Variants in ATXN1 observed in about 807,000 individuals in gnomAD.
ATXN1 encodes the protein ataxin 1.
A neutral mutation model predicts 56.4 loss-of-function variants in ATXN1; 8 were observed. That is an observed-to-expected ratio of 0.14 (90% CI 0.08 to 0.26). ATXN1 has a LOEUF of 0.26. Ranked by LOEUF, ATXN1 falls within the 10% of genes least tolerant of loss-of-function variation. ATXN1 has a pLI of 1.00. For missense variants in ATXN1, 987 were observed against 1,106.5 expected, an observed-to-expected ratio of 0.89 and a Z score of 1.53; for synonymous variants, 514 against 494.6, an observed-to-expected ratio of 1.04 and a Z score of -0.52.
At chr6:16,549,517 C>T (rs1032819071) in intron 4 of ATXN1, among the ~76,000 whole-genome samples, 1 of 152,164 alleles carries the variant, frequency 6.6e-6, no homozygotes, top group Non-Finnish European at 1.5e-5. Flanking sequence ...GGAAGCGGAA[C>T]CAGCTCCCAT....
chr6:16,340,530 C>A (rs955478202), intron 6 of ATXN1, among the ~76,000 whole-genome samples: 2 of 152,170 alleles, frequency 1.3e-5, no homozygotes, highest in Admixed American at 1.3e-4. Context: ...AACTTGTATC[C>A]TTTCCCTGTA....
chr6:16,492,406 C>G (rs1581798509), intron 5 of ATXN1, among the ~76,000 whole-genome samples: 1 of 150,858 alleles, frequency 6.6e-6, no homozygotes, highest in Admixed American at 6.6e-5. Context: ...CACATGTACC[C>G]TAAAACCTAA....
rs573717835 is a variant in ATXN1 at position 16,301,546 on chromosome 6, A to T, written c.*4783T>A. 6.6e-6 allele frequency: 1 copy of T among 152,550 alleles called. No homozygotes were observed. The highest frequency in any genetic ancestry group is 2.1e-4 in the South Asian group (1 of 4,804). 9.4% of individuals were successfully genotyped at this position (152,550 alleles called of 1,614,324 possible). On this transcript the variant is annotated 3_prime_UTR_variant, in exon 8 of 8. Transcript: ENST00000436367. ...GTGTTCTTAAATTCTCTATTTCAGA[A>T]ATTCTGGGTTAAAAACAAATGTGGA...
intron 4 of ATXN1, among the ~76,000 whole-genome samples, chr6:16,552,156 G>T (rs550688689): frequency 6.6e-6 from 1 of 152,184 alleles, no homozygotes; most frequent in Non-Finnish European, 1.5e-5. Context: ...CTACTCACAC[G>T]TGGAGAGGCT....
At chr6:16,597,242 C>T (rs183474830) in intron 3 of ATXN1, among the ~76,000 whole-genome samples, 208 of 152,316 alleles carry the variant, frequency 1.4e-3, no homozygotes, top group Non-Finnish European at 2.0e-3. Flanking sequence ...CCTCGTCAGC[C>T]GCAAGAATCT....
At chr6:16,654,267 C>T (rs1758142897) in intron 3 of ATXN1, among the ~76,000 whole-genome samples, 1 of 152,024 alleles carries the variant, frequency 6.6e-6, no homozygotes, top group Non-Finnish European at 1.5e-5. Context: ...TGCTCAGGGC[C>T]GGGCGCAGTG....
chr6:16,651,764 GAA>G (rs1763898559), intron 3 of ATXN1, among the ~76,000 whole-genome samples: 1 of 152,230 alleles, frequency 6.6e-6, no homozygotes, highest in African/African-American at 2.4e-5. Flanking sequence ...ACTCTGAAGA[GAA>G]AGAGACAGAA....
chr6:16,628,937 G>A (rs1223119838), intron 3 of ATXN1, among the ~76,000 whole-genome samples: 3 of 152,168 alleles, frequency 2.0e-5, no homozygotes, highest in Non-Finnish European at 4.4e-5. Flanking sequence ...TTGCGTGCAT[G>A]TGTCTAAATT....
intron 4 of ATXN1, among the ~76,000 whole-genome samples, chr6:16,562,493 A>AGGAG (rs1762141651): frequency 1.0e-5 from 1 of 98,198 alleles, no homozygotes; most frequent in African/African-American, 7.1e-5. Context: ...GAGGAAAGGA[A>AGGAG]AGGAAAGGAA....
chr6:16,476,094 A>G lies in ATXN1; in HGVS notation c.-161+9878T>C, dbSNP rs189332215. On this transcript the variant is annotated intron_variant, in intron 6 of 7. Transcript: ENST00000436367. The stretch of plus-strand genomic sequence containing the variant: ...CACCATGTTGGCCAGGCTGGTCTTG[A>G]ACTCCTGACCTCAGGTGATCCACCC... 2.4e-3 allele frequency among the ~76,000 whole-genome samples: 371 copies of G among 152,162 alleles called. 2 individuals are homozygous for G. The highest frequency in any genetic ancestry group is 0.01 in the Middle Eastern group (3 of 294).
intron 4 of ATXN1, among the ~76,000 whole-genome samples, chr6:16,557,429 T>C (rs1010521297): frequency 6.6e-6 from 1 of 152,076 alleles, no homozygotes; most frequent in Non-Finnish European, 1.5e-5. Flanking sequence ...TATCTTCTTC[T>C]TGAATAGAAA....
chr6:16,739,799 C>T (rs1039209483), intron 2 of ATXN1: 17 of 456,386 alleles, frequency 3.7e-5, no homozygotes, highest in Middle Eastern at 3.2e-4. Flanking sequence ...AATGGTGACA[C>T]ATTATGCCTC....
chr6:16,632,832 T>A (rs777851327), intron 3 of ATXN1, among the ~76,000 whole-genome samples: 17 of 151,804 alleles, frequency 1.1e-4, no homozygotes, highest in Non-Finnish European at 2.1e-4. Context: ...TCGTCGCTAC[T>A]AATAACACAA....
intron 5 of ATXN1, among the ~76,000 whole-genome samples, chr6:16,512,808 G>A (rs1395633077): frequency 6.6e-6 from 1 of 152,198 alleles, no homozygotes; most frequent in African/African-American, 2.4e-5. Flanking sequence ...AGAGAGACAG[G>A]AGAATGGCTT....
intron 6 of ATXN1, among the ~76,000 whole-genome samples, chr6:16,439,536 T>C (rs1288377627): frequency 2.0e-5 from 3 of 151,828 alleles, no homozygotes; most frequent in Non-Finnish European, 4.4e-5. Context: ...GATGAATTAG[T>C]AGTGGTTGGT....
chr6:16,704,996 T>C (rs1032960564), intron 2 of ATXN1, among the ~76,000 whole-genome samples: 6 of 152,288 alleles, frequency 3.9e-5, no homozygotes, highest in African/African-American at 1.4e-4. Flanking sequence ...TCCTCAGGCC[T>C]CACCTCTCTC....
At chr6:16,334,371 A>G (rs1195136062) in intron 6 of ATXN1, among the ~76,000 whole-genome samples, 2 of 152,108 alleles carry the variant, frequency 1.3e-5, no homozygotes, top group Admixed American at 1.3e-4. Context: ...TTTTTGTTTG[A>G]CTATACACTC....
chr6:16,433,829 G>A (rs1239920634), intron 6 of ATXN1, among the ~76,000 whole-genome samples: 3 of 152,214 alleles, frequency 2.0e-5, no homozygotes, highest in African/African-American at 7.2e-5. Flanking sequence ...AGGAGTTCCT[G>A]CCGGAGCTCA....
At position 16,518,667 on chromosome 6, in the gene ATXN1, C is replaced by T. The variant is rs190998323; in HGVS notation, c.-299+3960G>A. 2.8e-3 allele frequency among the ~76,000 whole-genome samples: 431 copies of T among 152,266 alleles called. 2 individuals are homozygous for T. The highest frequency in any genetic ancestry group is 9.9e-3 in the African/African-American group (411 of 41,540). ...AACCTTCCCTCCCCTAAACAGACCTCAAAACCAAATTAGGAATCACTATCC... is the reference window on the plus strand; with the variant it reads ...AACCTTCCCTCCCCTAAACAGACCTTAAAACCAAATTAGGAATCACTATCC... On this transcript the variant is annotated intron_variant, in intron 5 of 7. Transcript: ENST00000436367.
Sources: gnomAD v4.1 joint callset for allele counts (sites outside exome capture counted in the v4.1 genomes callset) on GRCh38, gnomAD v4.1.1 for gene constraint, MANE v1.5 for transcripts, NCBI Gene and HGNC (gene_info 2026-07-23, HGNC 2026-07-21) for gene names.